The following NXPH1 variants were observed in gnomAD, a reference collection of about 807,000 sequenced individuals.
NXPH1 encodes neurexophilin 1, also known as neurexophilin-1.
A neutral mutation model predicts 23.7 loss-of-function variants in NXPH1; 5 were observed. That is an observed-to-expected ratio of 0.21 (90% CI 0.11 to 0.44). The LOEUF is 0.44. Ranked by LOEUF, NXPH1 falls within the 20% of genes least tolerant of loss-of-function variation. NXPH1 has a pLI of 0.99. For missense variants in NXPH1, 324 were observed against 321.6 expected (o/e 1.01, Z -0.06); for synonymous variants, 144 against 122.2 (o/e 1.18, Z -1.18).
chr7:8,544,329 T>C (rs1410494402), intron 2 of NXPH1, among the ~76,000 whole-genome samples: 1 of 151,612 alleles, frequency 6.6e-6, no homozygotes, highest in East Asian at 1.9e-4. Context: ...CCCTCACTCA[T>C]TGCCAGGAGC....
intron 2 of NXPH1, among the ~76,000 whole-genome samples, chr7:8,469,574 A>G (rs1406477699): frequency 6.6e-6 from 1 of 152,092 alleles, no homozygotes; most frequent in Admixed American, 6.6e-5. Context: ...TCTCTTTCAA[A>G]GTATGGTCCC....
chr7:8,725,538 A>G (rs1472811016), intron 2 of NXPH1, among the ~76,000 whole-genome samples: 1 of 151,674 alleles, frequency 6.6e-6, no homozygotes, highest in African/African-American at 2.4e-5. Flanking sequence ...TCTAAGTTGG[A>G]TGTGTTTTTA....
intron 2 of NXPH1, among the ~76,000 whole-genome samples, chr7:8,560,039 AAAG>A (rs1395675693): frequency 1.8e-4 from 27 of 151,740 alleles, no homozygotes; most frequent in Admixed American, 1.8e-3. Flanking sequence ...TGAAGAAAAC[AAAG>A]AAGGACTCCT....
intron 2 of NXPH1, among the ~76,000 whole-genome samples, chr7:8,605,273 A>G (rs1819460185): frequency 6.6e-6 from 1 of 152,148 alleles, no homozygotes; most frequent in South Asian, 2.1e-4. Context: ...CTAATACTCA[A>G]CAGATGGCAA....
intron 2 of NXPH1, among the ~76,000 whole-genome samples, chr7:8,675,006 T>C (rs1027084803): frequency 1.3e-5 from 2 of 152,164 alleles, no homozygotes; most frequent in South Asian, 2.1e-4. Context: ...GACTATTTCC[T>C]ACCAGGGCTG....
chr7:8,701,639 T>C (rs907559199), intron 2 of NXPH1, among the ~76,000 whole-genome samples: 7 of 152,138 alleles, frequency 4.6e-5, no homozygotes, highest in Admixed American at 2.0e-4. Context: ...TAAAATTAAG[T>C]GTTCTCCCAC....
intron 2 of NXPH1, among the ~76,000 whole-genome samples, chr7:8,495,500 G>A (rs1817318807): frequency 6.6e-6 from 1 of 151,870 alleles, no homozygotes. Context: ...TTCTGAAGCT[G>A]GTTTTCTGTA....
At chr7:8,487,393 A>G (rs1045388927) in intron 2 of NXPH1, among the ~76,000 whole-genome samples, 1 of 152,166 alleles carries the variant, frequency 6.6e-6, no homozygotes, top group African/African-American at 2.4e-5. Context: ...GTCTGCTGCC[A>G]TGTAAGATGT....
rs141836872 is a variant in NXPH1, at chr7:8,445,052, G to A, written c.54+9285G>A. 8.3e-3 allele frequency among the ~76,000 whole-genome samples: 1,266 copies of A among 152,318 alleles called. 6 individuals carry two copies. The highest frequency in any genetic ancestry group is 0.012 in the Non-Finnish European group (839 of 68,032). ...CCTCCCACCCTCTTCATTTTTAGAG[G>A]CTTTGTAATTAAACTCTGTGAGATA... is the stretch of plus-strand genomic sequence containing the variant. On this transcript the variant is annotated intron_variant, in intron 2 of 2. Transcript: ENST00000405863.
intron 2 of NXPH1, among the ~76,000 whole-genome samples, chr7:8,585,646 T>C (rs2128624529): frequency 6.6e-6 from 1 of 152,322 alleles, no homozygotes; most frequent in South Asian, 2.1e-4. Flanking sequence ...TAATATGATA[T>C]GTTTTGGCTG....
intron 2 of NXPH1, among the ~76,000 whole-genome samples, chr7:8,671,182 G>A (rs144213402): frequency 1.4e-3 from 215 of 152,208 alleles, no homozygotes; most frequent in African/African-American, 5.0e-3. Flanking sequence ...TGTTCGTGGT[G>A]CTTAAATGAA....
chr7:8,448,406 G>A (rs2128605048), intron 2 of NXPH1, among the ~76,000 whole-genome samples: 1 of 152,310 alleles, frequency 6.6e-6, no homozygotes, highest in Non-Finnish European at 1.5e-5. Context: ...CTATCCTAGG[G>A]CCATATTTTT....
At chr7:8,470,992 A>T (rs1816863600) in intron 2 of NXPH1, among the ~76,000 whole-genome samples, 1 of 152,100 alleles carries the variant, frequency 6.6e-6, no homozygotes, top group African/African-American at 2.4e-5. Flanking sequence ...AAGAACAGGA[A>T]AAGTGAACAG....
chr7:8,499,897 G>C (rs1344689594), intron 2 of NXPH1, among the ~76,000 whole-genome samples: 2 of 152,066 alleles, frequency 1.3e-5, no homozygotes, highest in Non-Finnish European at 2.9e-5. Flanking sequence ...GGCCACATTA[G>C]GAGTTAAAGG....
chr7:8,649,466 A>G (rs115223406), intron 2 of NXPH1, among the ~76,000 whole-genome samples: 146 of 152,252 alleles, frequency 9.6e-4, no homozygotes, highest in African/African-American at 3.5e-3. Flanking sequence ...ACACACAATT[A>G]TACTCTTACA....
chr7:8,465,282 T>C (rs1025109289), intron 2 of NXPH1, among the ~76,000 whole-genome samples: 3 of 152,238 alleles, frequency 2.0e-5, no homozygotes, highest in African/African-American at 7.2e-5. Flanking sequence ...GGAATTTCTG[T>C]TATAGCCCCC....
intron 2 of NXPH1, among the ~76,000 whole-genome samples, chr7:8,721,595 G>A (rs879911784): frequency 2.0e-5 from 3 of 152,126 alleles, no homozygotes; most frequent in African/African-American, 4.8e-5. Context: ...CTAACACGGT[G>A]AAACCCTGTC....
intron 2 of NXPH1, among the ~76,000 whole-genome samples, chr7:8,721,173 G>T (rs1274105098): frequency 6.6e-6 from 1 of 152,108 alleles, no homozygotes; most frequent in Non-Finnish European, 1.5e-5. Flanking sequence ...TCCAGGACCT[G>T]CTTAAGGGTA....
chr7:8,652,812 C>T (rs1247612527), intron 2 of NXPH1, among the ~76,000 whole-genome samples: 1 of 152,256 alleles, frequency 6.6e-6, no homozygotes, highest in Admixed American at 6.5e-5. Flanking sequence ...TCTCCCCATC[C>T]GTTTCTTCCA....
Sources: allele counts gnomAD v4.1 joint callset (sites outside exome capture counted in the v4.1 genomes callset), GRCh38; gene constraint gnomAD v4.1.1; transcripts MANE v1.5; gene names NCBI Gene and HGNC (gene_info 2026-07-23, HGNC 2026-07-21).